Variants in DMD observed in about 807,000 individuals in gnomAD.
DMD encodes mutant dystrophin.
DMD carries 63 observed loss-of-function variants against 330.1 expected under a neutral mutation model. That is an observed-to-expected ratio of 0.19 (90% CI 0.16 to 0.24). The LOEUF (loss-of-function observed/expected upper bound fraction) is 0.24, where lower values mean the gene tolerates loss of function less well. DMD is among the 10% of genes least tolerant of loss of function. The pLI, the probability that DMD is intolerant of heterozygous loss-of-function variation, is 1.00. For missense variants in DMD, 3,344 were observed against 2,684.1 expected, an observed-to-expected ratio of 1.25 and a Z score of -5.43; for synonymous variants, 1,223 against 959.8, an observed-to-expected ratio of 1.27 and a Z score of -5.07.
intron 2 of DMD, among the ~76,000 whole-genome samples, chrX:32,875,762 GTT>G (rs763388443): frequency 8.9e-6 from 1 of 111,956 alleles, no homozygotes; most frequent in African/African-American, 3.2e-5. Flanking sequence ...CTTAAAAACT[GTT>G]TTTCTTGCTG....
intron 1 of DMD, among the ~76,000 whole-genome samples, chrX:33,178,364 AC>A (rs1445472290): frequency 9.0e-6 from 1 of 111,653 alleles, no homozygotes; most frequent in African/African-American, 3.3e-5. Flanking sequence ...GTCCTTGACC[AC>A]CATGGCCCTG....
At chrX:32,598,575 G>A (rs1288578584) in intron 12 of DMD, among the ~76,000 whole-genome samples, 2 of 111,647 alleles carry the variant, frequency 1.8e-5, no homozygotes, top group Non-Finnish European at 3.8e-5. Flanking sequence ...ATTTTTACAT[G>A]TAAATTGCTT....
intron 62 of DMD, among the ~76,000 whole-genome samples, chrX:31,316,964 G>T (rs932570496): frequency 4.5e-5 from 5 of 112,236 alleles, no homozygotes; most frequent in African/African-American, 1.6e-4. Flanking sequence ...ATAGTTAAGT[G>T]AAACATTTAA....
chrX:33,014,632 A>T (rs1304817805), intron 2 of DMD, among the ~76,000 whole-genome samples: 1 of 111,534 alleles, frequency 9.0e-6, no homozygotes, highest in African/African-American at 3.3e-5. Context: ...GCATCATGAA[A>T]TTATGGAGTT....
chrX:31,941,418 T>C (rs1016684048), intron 45 of DMD, among the ~76,000 whole-genome samples: 5 of 111,352 alleles, frequency 4.5e-5, no homozygotes, highest in African/African-American at 1.6e-4. Context: ...CATCCTTGAT[T>C]CTTCTCTCTC....
intron 41 of DMD, among the ~76,000 whole-genome samples, chrX:32,324,290 A>C (rs2097638817): frequency 9.0e-6 from 1 of 111,698 alleles, no homozygotes; most frequent in South Asian, 3.7e-4. Context: ...ATAAGTTAAA[A>C]AGACAAAATT....
intron 55 of DMD, among the ~76,000 whole-genome samples, 195 bp downstream of exon 55, chrX:31,627,478 A>G (rs1188932538): frequency 8.9e-6 from 1 of 111,980 alleles, no homozygotes; most frequent in African/African-American, 3.2e-5. Context: ...TTCTAAGACG[A>G]GGGTGTTAAG....
At chrX:32,618,076 A>G (rs770718084) in intron 11 of DMD, among the ~76,000 whole-genome samples, 4 of 112,302 alleles carry the variant, frequency 3.6e-5, no homozygotes, top group Non-Finnish European at 5.6e-5. Flanking sequence ...GGGAGTGTAA[A>G]TTATTTCAAC....
At chrX:32,121,729 C>CA (rs904183939) in intron 44 of DMD, among the ~76,000 whole-genome samples, 19 of 88,233 alleles carry the variant, frequency 2.2e-4, no homozygotes, top group South Asian at 5.8e-4. Context: ...TGGAAGGAGT[C>CA]AAAAAAAATG....
intron 7 of DMD, among the ~76,000 whole-genome samples, chrX:32,749,208 T>C (rs2070474295): frequency 8.9e-6 from 1 of 112,231 alleles, no homozygotes; most frequent in Admixed American, 9.4e-5. Context: ...ACTCAGCAGA[T>C]AGGAAAAGAG....
chrX:32,453,159 T>C, intron 26 of DMD, among the ~76,000 whole-genome samples: 1 of 111,070 alleles, frequency 9.0e-6, no homozygotes, highest in Non-Finnish European at 1.9e-5. Context: ...TGATTTCATT[T>C]ATTTTTCCAT....
At chrX:32,635,324 T>A (rs1444284963) in intron 11 of DMD, among the ~76,000 whole-genome samples, 1 of 111,263 alleles carries the variant, frequency 9.0e-6, no homozygotes, top group Non-Finnish European at 1.9e-5. Flanking sequence ...ATGCACCTAA[T>A]TTTTCACTCT....
intron 60 of DMD, among the ~76,000 whole-genome samples, chrX:31,423,456 A>G (rs1379547011): frequency 8.9e-6 from 1 of 111,888 alleles, no homozygotes; most frequent in Admixed American, 9.5e-5. Flanking sequence ...ATGTGATTAT[A>G]AGAAACAAAA....
chrX:33,328,025 G>A (rs1404596104), intron 1 of DMD, among the ~76,000 whole-genome samples: 2 of 111,720 alleles, frequency 1.8e-5, no homozygotes, highest in Admixed American at 1.9e-4. Context: ...TAAAATTTAT[G>A]TTGTTCTTCA....
intron 43 of DMD, among the ~76,000 whole-genome samples, chrX:32,268,623 T>C (rs964195183): frequency 2.6e-4 from 29 of 111,565 alleles, no homozygotes; most frequent in African/African-American, 9.1e-4. Flanking sequence ...ACTCACATCC[T>C]TGTCTCAGGA....
intron 55 of DMD, among the ~76,000 whole-genome samples, chrX:31,563,053 CTATT>C (rs10538343): frequency 0.15 from 16,553 of 108,602 alleles, 1,077 homozygotes; most frequent in Middle Eastern, 0.26. Context: ...CAATTTGTAT[CTATT>C]TATTTATTTA....
chrX:33,331,830 C>T (rs139327021), intron 1 of DMD, among the ~76,000 whole-genome samples: 5,487 of 111,038 alleles, frequency 0.049, 171 homozygotes, highest in Middle Eastern at 0.097. Context: ...GCTGTAACCC[C>T]AAAGCTCAAG....
At chrX:33,330,443 A>C (rs995809575) in intron 1 of DMD, among the ~76,000 whole-genome samples, 2 of 111,815 alleles carry the variant, frequency 1.8e-5, no homozygotes, top group East Asian at 5.6e-4. Context: ...GATTAATTTA[A>C]CTTTATACAT....
chrX:31,489,414 T>C lies in DMD; in HGVS notation c.8547+7374A>G, dbSNP rs1300114366. On this transcript the variant is annotated intron_variant, in intron 57 of 78. Transcript: ENST00000357033. ...ACCCAAAGTGCTGGGATTACAGGCATGAGCCACTGCACCCGGCCTCACACA... is the reference window on the plus strand; with the variant it reads ...ACCCAAAGTGCTGGGATTACAGGCACGAGCCACTGCACCCGGCCTCACACA... 2.7e-5 allele frequency among the ~76,000 whole-genome samples: 3 copies of C among 112,336 alleles called. No individual in the cohort carries two copies. In the East Asian group the frequency reaches 8.4e-4, roughly 31 times the overall value.
Sources: gnomAD v4.1 joint callset for allele counts (sites outside exome capture counted in the v4.1 genomes callset) on GRCh38, gnomAD v4.1.1 for gene constraint, MANE v1.5 for transcripts, NCBI Gene and HGNC (gene_info 2026-07-23, HGNC 2026-07-21) for gene names.